The following ADAMTS20 variants were observed in gnomAD, a reference collection of about 807,000 sequenced individuals.
ADAMTS20 encodes the protein ADAM metallopeptidase with thrombospondin type 1 motif 20.
Under a neutral mutation model 260.1 loss-of-function variants are expected in ADAMTS20, and 225 were observed. The observed-to-expected ratio is 0.87, with a 90% confidence interval of 0.78 to 0.97. The LOEUF (loss-of-function observed/expected upper bound fraction) is 0.97, where lower values mean the gene tolerates loss of function less well. Among genes scored for constraint, ADAMTS20 ranks in the 50% least tolerant of loss-of-function variants. ADAMTS20 has a pLI of 0.00. For synonymous variants in ADAMTS20, 802 were observed against 769.5 expected, an observed-to-expected ratio of 1.04 and a Z score of -0.70; for missense variants, 2,400 against 2,337.7, an observed-to-expected ratio of 1.03 and a Z score of -0.55.
intron 36 of ADAMTS20, among the ~76,000 whole-genome samples, chr12:43,374,176 A>G (rs867572218): frequency 5.9e-5 from 9 of 152,196 alleles, no homozygotes; most frequent in South Asian, 2.1e-4. Flanking sequence ...TTGTAACCAT[A>G]GTAATATAAT....
chr12:43,415,750 G>C (rs576036940), intron 28 of ADAMTS20, among the ~76,000 whole-genome samples: 1 of 152,234 alleles, frequency 6.6e-6, no homozygotes, highest in Non-Finnish European at 1.5e-5. Flanking sequence ...CAAGATCTAG[G>C]ATAGACTTAA....
chr12:43,551,203 T>C lies in ADAMTS20; in HGVS notation c.159A>G (p.Glu53=), dbSNP rs752265488. The part of the protein sequence containing the change: ...VIPERVNEFG[E]VFPQSHHFSR... The stretch of plus-strand genomic sequence containing the variant: ...TGAAGTGGTGGCTCTGAGGGAACAC[T>C]TCTCCAAACTCATTGACCCGCTCGG... The change falls in exon 2 of 39, where the codon GAA becomes GAG. Residue 53 remains glutamate (E), a synonymous_variant. Transcript: ENST00000389420. The surrounding 1 kb of genome is among the most constrained non-coding windows in gnomAD (Gnocchi z 4.6). 1.2e-6 allele frequency: 2 copies of C among 1,613,718 alleles called. No homozygotes were observed. The highest frequency in any genetic ancestry group is 2.7e-5 in the African/African-American group (2 of 74,890).
chr12:43,451,795 T>C (rs1395641424), intron 14 of ADAMTS20, among the ~76,000 whole-genome samples: 1 of 152,122 alleles, frequency 6.6e-6, no homozygotes, highest in African/African-American at 2.4e-5. Flanking sequence ...TCCTGGTGAC[T>C]TGAACAGTAT....
intron 2 of ADAMTS20, among the ~76,000 whole-genome samples, chr12:43,539,038 C>T (rs1943337300): frequency 6.7e-6 from 1 of 149,606 alleles, no homozygotes; most frequent in Non-Finnish European, 1.5e-5. Flanking sequence ...CTGCAACCTC[C>T]ACCACCCGGG....
chr12:43,370,992 C>T (rs1376480470), intron 36 of ADAMTS20, among the ~76,000 whole-genome samples: 3 of 152,168 alleles, frequency 2.0e-5, no homozygotes, highest in Non-Finnish European at 2.9e-5. Context: ...TATTCCTTCC[C>T]CTGCTTATGC....
intron 2 of ADAMTS20, 51 bp from the exon 3 acceptor site, chr12:43,532,246 A>T (rs576490198): frequency 1.3e-5 from 19 of 1,510,862 alleles, no homozygotes; most frequent in South Asian, 4.9e-5. Flanking sequence ...CGCCAAGAAG[A>T]AAAAACACAT....
chr12:43,471,192 G>A (rs538400900), intron 7 of ADAMTS20, among the ~76,000 whole-genome samples: 1 of 152,272 alleles, frequency 6.6e-6, no homozygotes, highest in Non-Finnish European at 1.5e-5. Context: ...AGGGGTCAGG[G>A]AGTTCCCTTT....
intron 19 of ADAMTS20, chr12:43,433,620 T>C: frequency 5.0e-6 from 1 of 199,992 alleles, no homozygotes; most frequent in Non-Finnish European, 1.0e-5. Flanking sequence ...ATGCTAAAAA[T>C]AAATGTATAA....
chr12:43,485,232 AAAG>A (rs1942505720), intron 7 of ADAMTS20, among the ~76,000 whole-genome samples: 1 of 152,138 alleles, frequency 6.6e-6, no homozygotes, highest in Non-Finnish European at 1.5e-5. Context: ...CACCATGATC[AAAG>A]AAGTTTAATT....
chr12:43,353,085 C>T (rs183200168), downstream of ADAMTS20, among the ~76,000 whole-genome samples: 11 of 151,216 alleles, frequency 7.3e-5, no homozygotes, highest in African/African-American at 9.7e-5. Flanking sequence ...TTTGGTTTTC[C>T]GAGTAGATTT....
At position 43,452,359 on chromosome 12, in the gene ADAMTS20, T is replaced by C. The variant is rs535734189; in HGVS notation, c.1994A>G (p.Tyr665Cys). 3 of 1,613,418 alleles carry C rather than the reference T, an allele frequency of 1.9e-6. No individual in the cohort carries two copies. The South Asian group carries it at 3.3e-5, about 18-fold the overall frequency. ...AACCATATCCTTCAATAGGTAGAAA[T>C]AATTGGTTCCAGCAACCTGACAATA... Reference protein sequence around the residue: ...KLYCQVAGTNYFYLLKDMVED... With the variant: ...KLYCQVAGTNCFYLLKDMVED... The change falls in exon 14 of 39, where the codon TAT (tyrosine) becomes TGT (cysteine). Residue 665 changes from tyrosine (Y) to cysteine (C), a missense_variant. Coordinates refer to ENST00000389420, the MANE Select transcript of ADAMTS20 (RefSeq NM_025003.5).
At position 43,421,221 on chromosome 12, in the gene ADAMTS20, T is replaced by A. The variant is rs185609647; in HGVS notation, c.4284+4293A>T. On this transcript the variant is annotated intron_variant, in intron 28 of 38. Coordinates refer to ENST00000389420, the MANE Select transcript of ADAMTS20 (RefSeq NM_025003.5). Reference sequence around the variant, plus strand: ...CAATGTTTCAGAAGGACATTTTTTTTAAGAAGAAACACAAAGTGAATGCGC... The same window carrying A: ...CAATGTTTCAGAAGGACATTTTTTTAAAGAAGAAACACAAAGTGAATGCGC... 1.0e-3 allele frequency among the ~76,000 whole-genome samples: 127 copies of A among 127,080 alleles called. 2 individuals are homozygous for A. Among genetic ancestry groups the A allele is most frequent in the African/African-American group, 3.6e-3 (118 of 32,846 alleles). The allele number at this position is 127,080 out of a possible 152,430, so 83.4% of individuals were successfully genotyped here.
At position 43,493,242 on chromosome 12, in the gene ADAMTS20, G is replaced by A; in HGVS notation, c.879C>T (p.Ile293=). ...AATTTCCAATACTTGGATCTTTGTA[G>A]ATTGTTGCAACCTGCATGTAAAAAA... ...ILTLMSIVAT[I]YKDPSIGNLI... Residue 293 remains isoleucine, a synonymous_variant, in exon 5 of 39, where the codon ATC becomes ATT. Coordinates refer to ENST00000389420, the MANE Select transcript of ADAMTS20 (RefSeq NM_025003.5). 1.3e-6 allele frequency: 2 copies of A among 1,552,292 alleles called. No homozygotes were observed.
chr12:43,464,854 T>C (rs1218549029), intron 9 of ADAMTS20, 122 bp from the exon 10 acceptor site: 24 of 1,094,910 alleles, frequency 2.2e-5, no homozygotes, highest in Non-Finnish European at 3.0e-5. Flanking sequence ...ATTCATAACT[T>C]TAAAAACCAA....
intron 21 of ADAMTS20, 50 bp downstream of exon 21, chr12:43,432,254 T>G (rs781774130): frequency 6.4e-7 from 1 of 1,558,994 alleles, no homozygotes; most frequent in Non-Finnish European, 8.7e-7. Context: ...ATTACAAAGC[T>G]TTACTAACAC....
At chr12:43,360,169 C>A (rs1939835878) in intron 37 of ADAMTS20, among the ~76,000 whole-genome samples, 1 of 152,206 alleles carries the variant, frequency 6.6e-6, no homozygotes, top group Non-Finnish European at 1.5e-5. Flanking sequence ...ATATCACCGG[C>A]CGGGCACGGT....
chr12:43,423,648 G>T (rs1416761763), intron 28 of ADAMTS20: 1 of 685,816 alleles, frequency 1.5e-6, no homozygotes, highest in African/African-American at 1.8e-5. Context: ...GACACAGTAA[G>T]CAGAAAGTGG....
At chr12:43,431,212 T>A (rs2137306872) in intron 22 of ADAMTS20, 120 bp downstream of exon 22, 1 of 999,712 alleles carries the variant, frequency 1.0e-6, no homozygotes, top group East Asian at 2.5e-5. Context: ...GTTGCTGTTG[T>A]TTTTTAATAA....
chr12:43,546,927 G>A (rs1427656357), intron 2 of ADAMTS20, among the ~76,000 whole-genome samples: 3 of 152,078 alleles, frequency 2.0e-5, no homozygotes, highest in Admixed American at 6.6e-5. Context: ...TTATATACAT[G>A]TTAAACAAAG....
Sources: allele counts gnomAD v4.1 joint callset (sites outside exome capture counted in the v4.1 genomes callset), GRCh38; gene constraint gnomAD v4.1.1; non-coding constraint Gnocchi (gnomAD v3.1); transcripts MANE v1.5; gene names NCBI Gene and HGNC (gene_info 2026-07-23, HGNC 2026-07-21).